Variants in DDAH2 observed in about 807,000 individuals in gnomAD.
DDAH2 encodes DDAH family member 2, ADMA-independent.
Under a neutral mutation model 24.8 loss-of-function variants are expected in DDAH2, and 8 were observed. The observed-to-expected ratio is 0.32, with a 90% confidence interval of 0.19 to 0.58. DDAH2 has a LOEUF of 0.58. DDAH2 is among the 20% of genes least tolerant of loss of function. The pLI, the probability that DDAH2 is intolerant of heterozygous loss-of-function variation, is 0.87. For synonymous variants in DDAH2, 151 were observed against 166.1 expected (o/e 0.91, Z 0.70); for missense variants, 281 against 379.0 (o/e 0.74, Z 2.15).
In DDAH2 at chr6:31,728,907, C is replaced by T. The variant is rs1430708167; in HGVS notation, c.255G>A (p.Thr85=). ...GGCTCCAGGGCCGCGTGATTAGGGC[C>T]GTGTCCCCTTGGATCACGGCCGTGT... ...LGDTAVIQGD[T]ALITRPWSPA... The change falls in exon 1 of 6, where the codon ACG becomes ACA. Residue 85 remains threonine, a synonymous_variant. Transcript: ENST00000375789. The surrounding 1 kb of genome is among the most constrained non-coding windows in gnomAD (Gnocchi z 9.8). 1 of 1,612,964 alleles carries T rather than the reference C, an allele frequency of 6.2e-7. No individual in the cohort carries two copies. The highest frequency in any genetic ancestry group is 8.5e-7 in the Non-Finnish European group (1 of 1,180,034).
chr6:31,727,235 C>T lies in DDAH2; in HGVS notation c.*2G>A. On this transcript the variant is annotated 3_prime_UTR_variant, in exon 6 of 6. Coordinates refer to ENST00000375789, the MANE Select transcript of DDAH2 (RefSeq NM_001303007.2). The surrounding 1 kb of genome is among the most constrained non-coding windows in gnomAD (Gnocchi z 6.0). ...GGCCAGCAGTACCCCAAGGCCAGGC[C>T]CTCAGCTGTGGGGGCGTGTGCTGAG... 5 of 1,611,794 alleles carry T rather than the reference C, an allele frequency of 3.1e-6. No homozygotes were observed. The highest frequency in any genetic ancestry group is 4.2e-6 in the Non-Finnish European group (5 of 1,178,900).
At position 31,729,129 on chromosome 6, in the gene DDAH2, G is replaced by A; in HGVS notation, c.33C>T (p.Cys11=). MGTPGEGLGR[C]SHALIRGVPE... is the part of the protein sequence containing the mutation. The stretch of plus-strand genomic sequence containing the variant: ...GGACTCCCCGGATCAGGGCATGGGA[G>A]CAGCGGCCCAGCCCCTCCCCCGGCG... Residue 11 remains cysteine, a synonymous_variant, in exon 1 of 6, where the codon TGC becomes TGT. Coordinates refer to ENST00000375789, the MANE Select transcript of DDAH2 (RefSeq NM_001303007.2). The surrounding 1 kb of genome is among the most constrained non-coding windows in gnomAD (Gnocchi z 6.7). 1 of 1,611,940 alleles carries A rather than the reference G, an allele frequency of 6.2e-7. No individual in the cohort carries two copies. Among genetic ancestry groups the A allele is most frequent in the East Asian group, 2.2e-5 (1 of 44,860 alleles).
In DDAH2 at chr6:31,729,124, T is replaced by C. The variant is rs907616563; in HGVS notation, c.38A>G (p.His13Arg). Residue 13 changes from histidine to arginine, a missense_variant, in exon 1 of 6, where the codon CAT becomes CGT. Coordinates refer to ENST00000375789, the MANE Select transcript of DDAH2 (RefSeq NM_001303007.2). This position sits in a 1 kb window ranked among gnomAD's most constrained non-coding sequence, Gnocchi z 6.7. ...CTCTGGGACTCCCCGGATCAGGGCA[T>C]GGGAGCAGCGGCCCAGCCCCTCCCC... ...TPGEGLGRCS[H>R]ALIRGVPESL... 7.4e-6 allele frequency: 12 copies of C among 1,612,496 alleles called. No homozygotes were observed. The highest frequency in any genetic ancestry group is 9.3e-6 in the Non-Finnish European group (11 of 1,179,668).
In DDAH2 at chr6:31,727,131, C is replaced by A. The variant is rs769483429; in HGVS notation, c.*106G>T. ...ACTCTCCCCTCCCCCAATATTGAGG[C>A]TCTCTCCCAACTACTGCCTATTCAG... On this transcript the variant is annotated 3_prime_UTR_variant, in exon 6 of 6. Coordinates refer to ENST00000375789, the MANE Select transcript of DDAH2 (RefSeq NM_001303007.2). This position sits in a 1 kb window ranked among gnomAD's most constrained non-coding sequence, Gnocchi z 6.0. The A allele has an allele frequency of 2.5e-6, 2 of 812,122 alleles. No individual in the cohort carries two copies. The highest frequency in any genetic ancestry group is 2.5e-5 in the East Asian group (1 of 40,760). 50.3% of individuals were successfully genotyped at this position (812,122 alleles called of 1,614,324 possible). A position where few individuals can be genotyped will look rare whatever the true frequency, so the allele number is the denominator to read the frequency against.
chr6:31,727,755 C>T lies in DDAH2; in HGVS notation c.592-63G>A. On this transcript the variant is annotated intron_variant, in intron 4 of 5. Coordinates refer to ENST00000375789, the MANE Select transcript of DDAH2 (RefSeq NM_001303007.2). The surrounding 1 kb of genome is among the most constrained non-coding windows in gnomAD (Gnocchi z 6.0). Reference sequence around the variant, plus strand: ...TCCACAGCTGTGTCTGCCTGCTCAACCACCACTAAGGGCTGGGGACGGACT... The same window carrying T: ...TCCACAGCTGTGTCTGCCTGCTCAATCACCACTAAGGGCTGGGGACGGACT... The T allele has an allele frequency of 6.6e-7, 1 of 1,515,344 alleles. No individual in the cohort carries two copies. The highest frequency in any genetic ancestry group is 8.9e-7 in the Non-Finnish European group (1 of 1,126,684). The allele number at this position is 1,515,344 out of a possible 1,614,324, so 93.9% of individuals were successfully genotyped here.
At position 31,728,113 on chromosome 6, in the gene DDAH2, GCT is replaced by G; in HGVS notation, c.591+58_591+59del. ...TAGGGCTAATTTCCTAAGCCTCCCA[GCT>G]CCCGGCCTCCCGGGCCCAGAACTGC... On this transcript the variant is annotated intron_variant, in intron 4 of 5. Coordinates refer to ENST00000375789, the MANE Select transcript of DDAH2 (RefSeq NM_001303007.2). This position sits in a 1 kb window ranked among gnomAD's most constrained non-coding sequence, Gnocchi z 9.8. 1 of 1,591,116 alleles carries G rather than the reference GCT, an allele frequency of 6.3e-7. No homozygotes were observed. The highest frequency in any genetic ancestry group is 1.1e-5 in the South Asian group (1 of 89,764).
At chr6:31,729,556 C>T (rs1174173191), upstream of DDAH2, 1 of 244,174 alleles carries the variant, frequency 4.1e-6, no homozygotes, top group Non-Finnish European at 8.0e-6. The surrounding 1 kb of genome is among the most constrained non-coding windows in gnomAD (Gnocchi z 6.7). Flanking sequence ...TGCAGCAGCC[C>T]CGCCCCCTTA....
At position 31,728,244 on chromosome 6, in the gene DDAH2, C is replaced by T. The variant is rs1229879175; in HGVS notation, c.520G>A (p.Gly174Ser). The T allele has an allele frequency of 9.3e-6, 15 of 1,612,570 alleles. No individual in the cohort carries two copies. The highest frequency in any genetic ancestry group is 1.2e-5 in the Non-Finnish European group (14 of 1,179,810). Reference protein sequence around the residue: ...VPVSGPSHLRGLCGMGGPRTV... With the variant: ...VPVSGPSHLRSLCGMGGPRTV... ...CGAGGTCCCCCCATGCCGCAGAGAC[C>T]GCGCAGGTGGGAGGGACCCGAGACT... Residue 174 changes from glycine to serine, a missense_variant, in exon 4 of 6, where the codon GGT becomes AGT. Physicochemically the swap from Gly to Ser is moderately conservative, Grantham distance 56. Coordinates refer to ENST00000375789, the MANE Select transcript of DDAH2 (RefSeq NM_001303007.2). The surrounding 1 kb of genome is among the most constrained non-coding windows in gnomAD (Gnocchi z 9.8).
upstream of DDAH2, chr6:31,729,577 G>A: frequency 4.8e-6 from 1 of 208,674 alleles, no homozygotes; most frequent in East Asian, 1.2e-4. This position sits in a 1 kb window ranked among gnomAD's most constrained non-coding sequence, Gnocchi z 6.7. Context: ...ACCCTCAGCT[G>A]CTCGCTACCG....
rs760617963 is a variant in DDAH2 at position 31,729,166 on chromosome 6, T to C, written c.-5A>G. Reference sequence around the variant, plus strand: ...CCCCTCCCCCGGCGTCCCCATCCCATCCACACAGACTCCCCCTCCAACCGC... The same window carrying C: ...CCCCTCCCCCGGCGTCCCCATCCCACCCACACAGACTCCCCCTCCAACCGC... On this transcript the variant is annotated 5_prime_UTR_variant, in exon 1 of 6. An upstream start codon of the reference 5' UTR is lost. Coordinates refer to ENST00000375789, the MANE Select transcript of DDAH2 (RefSeq NM_001303007.2). The surrounding 1 kb of genome is among the most constrained non-coding windows in gnomAD (Gnocchi z 6.7). The C allele has an allele frequency of 1.3e-6, 2 of 1,592,858 alleles. No individual in the cohort carries two copies. Among genetic ancestry groups the C allele is most frequent in the Admixed American group, 3.4e-5 (2 of 58,770 alleles).
chr6:31,729,118 A>G lies in DDAH2; in HGVS notation c.44T>C (p.Leu15Pro). ...GEGLGRCSHALIRGVPESLAS... is the reference protein window; with the variant it reads ...GEGLGRCSHAPIRGVPESLAS... Reference sequence around the variant, plus strand: ...CAGGCTCTCTGGGACTCCCCGGATCAGGGCATGGGAGCAGCGGCCCAGCCC... The same window carrying G: ...CAGGCTCTCTGGGACTCCCCGGATCGGGGCATGGGAGCAGCGGCCCAGCCC... The change falls in exon 1 of 6, where the codon CTG becomes CCG. Residue 15 changes from leucine (L) to proline (P), a missense_variant. By Grantham distance (98) the Leu-to-Pro change is moderately conservative. Coordinates refer to ENST00000375789, the MANE Select transcript of DDAH2 (RefSeq NM_001303007.2). This position sits in a 1 kb window ranked among gnomAD's most constrained non-coding sequence, Gnocchi z 6.7. The G allele has an allele frequency of 6.2e-7, 1 of 1,612,642 alleles. No homozygotes were observed. Among genetic ancestry groups the G allele is most frequent in the Non-Finnish European group, 8.5e-7 (1 of 1,179,782 alleles).
Position 31,728,032 on chromosome 6 carries a change from C to G in DDAH2, c.591+141G>C. The G allele has an allele frequency of 4.5e-6, 5 of 1,104,808 alleles. No homozygotes were observed. In the Admixed American group the frequency reaches 1.0e-4, roughly 22 times the overall value. 68.4% of individuals were successfully genotyped at this position (1,104,808 alleles called of 1,614,324 possible). A position where few individuals can be genotyped will look rare whatever the true frequency, so the allele number is the denominator to read the frequency against. The stretch of plus-strand genomic sequence containing the variant: ...GTTCCCAGTCCTGCTGTTGTAACTT[C>G]TTATTTTCTCCTGTGTTCTTTCATG... On this transcript the variant is annotated intron_variant, in intron 4 of 5. Coordinates refer to ENST00000375789, the MANE Select transcript of DDAH2 (RefSeq NM_001303007.2). This position sits in a 1 kb window ranked among gnomAD's most constrained non-coding sequence, Gnocchi z 9.8.
chr6:31,728,211 C>A lies in DDAH2; in HGVS notation c.553G>T (p.Val185Leu). 6.2e-7 allele frequency: 1 copy of A among 1,612,816 alleles called. No individual in the cohort carries two copies. The highest frequency in any genetic ancestry group is 8.5e-7 in the Non-Finnish European group (1 of 1,179,988). Residue 185 changes from valine to leucine, a missense_variant, in exon 4 of 6, where the codon GTG becomes TTG. Coordinates refer to ENST00000375789, the MANE Select transcript of DDAH2 (RefSeq NM_001303007.2). This position sits in a 1 kb window ranked among gnomAD's most constrained non-coding sequence, Gnocchi z 9.8. ...TGGGCAGCGTCGCTGCTGCCTGCCA[C>A]AACAGTGCGAGGTCCCCCCATGCCG... ...LCGMGGPRTV[V>L]AGSSDAAQKA...
At position 31,728,107 on chromosome 6, in the gene DDAH2, C is replaced by T; in HGVS notation, c.591+66G>A. 6.9e-6 allele frequency: 11 copies of T among 1,583,592 alleles called. No individual in the cohort carries two copies. The highest frequency in any genetic ancestry group is 1.1e-5 in the South Asian group (1 of 89,046). On this transcript the variant is annotated intron_variant, in intron 4 of 5. Coordinates refer to ENST00000375789, the MANE Select transcript of DDAH2 (RefSeq NM_001303007.2). This position sits in a 1 kb window ranked among gnomAD's most constrained non-coding sequence, Gnocchi z 9.8. ...AGGGGTTAGGGCTAATTTCCTAAGC[C>T]TCCCAGCTCCCGGCCTCCCGGGCCC...
chr6:31,727,470 T>G lies in DDAH2; in HGVS notation c.741+73A>C. ...AGGCTTCTAGAGAAGGTACCCTTCC[T>G]TCCTCCCACTAGGAAAGCCTGAAAC... On this transcript the variant is annotated intron_variant, in intron 5 of 5. Coordinates refer to ENST00000375789, the MANE Select transcript of DDAH2 (RefSeq NM_001303007.2). The surrounding 1 kb of genome is among the most constrained non-coding windows in gnomAD (Gnocchi z 6.0). 6.2e-7 allele frequency: 1 copy of G among 1,610,146 alleles called. No homozygotes were observed. Among genetic ancestry groups the G allele is most frequent in the African/African-American group, 1.3e-5 (1 of 75,014 alleles).
chr6:31,728,215 A>T lies in DDAH2; in HGVS notation c.549T>A (p.Thr183=). ...CAGCGTCGCTGCTGCCTGCCACAAC[A>T]GTGCGAGGTCCCCCCATGCCGCAGA... ...RGLCGMGGPR[T]VVAGSSDAAQ... The change falls in exon 4 of 6, where the codon ACT becomes ACA. Residue 183 remains threonine, a synonymous_variant. Transcript: ENST00000375789. The surrounding 1 kb of genome is among the most constrained non-coding windows in gnomAD (Gnocchi z 9.8). 6.2e-7 allele frequency: 1 copy of T among 1,612,726 alleles called. No individual in the cohort carries two copies. The highest frequency in any genetic ancestry group is 8.5e-7 in the Non-Finnish European group (1 of 1,179,940).
At position 31,727,323 on chromosome 6, in the gene DDAH2, C is replaced by G; in HGVS notation, c.772G>C (p.Val258Leu). Residue 258 changes from valine to leucine, a missense_variant, in exon 6 of 6, where the codon GTA (valine) becomes CTA (leucine). Coordinates refer to ENST00000375789, the MANE Select transcript of DDAH2 (RefSeq NM_001303007.2). The surrounding 1 kb of genome is among the most constrained non-coding windows in gnomAD (Gnocchi z 6.0). ...TCCAGTTCTGAGCAGGACACAGGTACCAGGGTGACATCAGAGAGCTTCTGC... is the reference window on the plus strand; with the variant it reads ...TCCAGTTCTGAGCAGGACACAGGTAGCAGGGTGACATCAGAGAGCTTCTGC... ...ALQKLSDVTL[V>L]PVSCSELEKA... is the part of the protein sequence containing the mutation. The G allele has an allele frequency of 6.2e-7, 1 of 1,613,002 alleles. No individual in the cohort carries two copies.
rs769286637 is a variant in DDAH2, at chr6:31,728,725, G to C, written c.318C>G (p.Ala106=). The change falls in exon 2 of 6, where the codon GCC becomes GCG. Residue 106 remains alanine (A), a synonymous_variant. Coordinates refer to ENST00000375789, the MANE Select transcript of DDAH2 (RefSeq NM_001303007.2). This position sits in a 1 kb window ranked among gnomAD's most constrained non-coding sequence, Gnocchi z 9.8. The stretch of plus-strand genomic sequence containing the variant: ...CAATTCGGAGCCCCAGGTCTTGCAG[G>C]GCTTTGCGGACTCCATCGACCTTAG... The part of the protein sequence containing the change: ...RRPEVDGVRK[A]LQDLGLRIVE... 1 of 1,612,866 alleles carries C rather than the reference G, an allele frequency of 6.2e-7. No homozygotes were observed. The highest frequency in any genetic ancestry group is 1.3e-5 in the African/African-American group (1 of 74,892).
chr6:31,728,539 C>T lies in DDAH2; in HGVS notation c.398-15G>A. ...AAACTCCCGGCCTGAGTCCGGGAGGCCGCGGAGGTTTGAGGGCGGGAGTGA... is the reference window on the plus strand; with the variant it reads ...AAACTCCCGGCCTGAGTCCGGGAGGTCGCGGAGGTTTGAGGGCGGGAGTGA... On this transcript the variant is annotated splice_polypyrimidine_tract_variant and intron_variant, in intron 2 of 5. Transcript: ENST00000375789. This position sits in a 1 kb window ranked among gnomAD's most constrained non-coding sequence, Gnocchi z 9.8. The T allele has an allele frequency of 1.2e-6, 2 of 1,612,700 alleles. No individual in the cohort carries two copies. The highest frequency in any genetic ancestry group is 2.2e-5 in the South Asian group (2 of 91,080).
Sources: gnomAD v4.1 joint callset for allele counts on GRCh38, gnomAD v4.1.1 for gene constraint, Gnocchi (gnomAD v3.1) non-coding constraint, MANE v1.5 for transcripts, NCBI Gene and HGNC (gene_info 2026-07-23, HGNC 2026-07-21) for gene names.